The following RBFOX1 variants were observed in gnomAD, a reference collection of about 807,000 sequenced individuals.
RBFOX1 encodes RNA binding fox-1 homolog 1.
RBFOX1 carries 8 observed loss-of-function variants against 57.7 expected under a neutral mutation model. The observed-to-expected ratio is 0.14, with a 90% CI of 0.08 to 0.25. The LOEUF is 0.25. Ranked by LOEUF, RBFOX1 falls within the 10% of genes least tolerant of loss-of-function variation. The pLI is 1.00. For missense variants in RBFOX1, 611 were observed against 548.5 expected (o/e 1.11, Z -1.14); for synonymous variants, 326 against 222.4 (o/e 1.47, Z -4.15).
chr16:7,050,353 C>T (rs2049605672), intron 3 of RBFOX1, among the ~76,000 whole-genome samples: 2 of 149,348 alleles, frequency 1.3e-5, no homozygotes, highest in Admixed American at 6.8e-5. Flanking sequence ...GCAACCTCTG[C>T]CTCCCAGGTT....
chr16:6,016,160 A>G (rs1355084662), upstream of RBFOX1, among the ~76,000 whole-genome samples: 1 of 152,224 alleles, frequency 6.6e-6, no homozygotes, highest in African/African-American at 2.4e-5. Flanking sequence ...CTTTTAGTTT[A>G]ATAGAAGAGA....
chr16:7,028,425 TA>T (rs1214014061), intron 3 of RBFOX1, among the ~76,000 whole-genome samples: 4 of 151,792 alleles, frequency 2.6e-5, no homozygotes, highest in Non-Finnish European at 5.9e-5. Context: ...CTGTCTCTAC[TA>T]AAAATATAAA....
Position 7,221,825 on chromosome 16 carries a change from G to A in RBFOX1, c.27+169727G>A, listed in dbSNP as rs1345990759. On this transcript the variant is annotated intron_variant, in intron 4 of 15. Coordinates refer to ENST00000550418, the MANE Select transcript of RBFOX1 (RefSeq NM_018723.4). Reference sequence around the variant, plus strand: ...GAGATCTAAGAAAGCACATACAGAGGCCTGAAAAGTTGATTTCCCTCCTTG... The same window carrying A: ...GAGATCTAAGAAAGCACATACAGAGACCTGAAAAGTTGATTTCCCTCCTTG... 2.6e-5 allele frequency among the ~76,000 whole-genome samples: 4 copies of A among 152,146 alleles called. No homozygotes were observed. In the East Asian group the frequency reaches 7.7e-4, roughly 29 times the overall value.
At chr16:6,786,224 G>T (rs931635756) in intron 3 of RBFOX1, among the ~76,000 whole-genome samples, 3 of 152,150 alleles carry the variant, frequency 2.0e-5, no homozygotes, top group African/African-American at 7.2e-5. Flanking sequence ...GTCAGAAGAG[G>T]GTCAGAACTG....
At chr16:6,900,450 GT>G (rs2068180756) in intron 3 of RBFOX1, among the ~76,000 whole-genome samples, 1 of 152,138 alleles carries the variant, frequency 6.6e-6, no homozygotes, top group African/African-American at 2.4e-5. Flanking sequence ...ACTTAAAACT[GT>G]TTATTGATTT....
intron 4 of RBFOX1, among the ~76,000 whole-genome samples, chr16:7,429,933 G>A (rs1371713837): frequency 6.6e-6 from 1 of 152,072 alleles, no homozygotes; most frequent in Non-Finnish European, 1.5e-5. Context: ...TGCCTTTGTG[G>A]GACTTGTGAC....
chr16:5,867,278 A>G, intron 3 of RBFOX1: 1 of 1,174,688 alleles, frequency 8.5e-7, no homozygotes, highest in Non-Finnish European at 1.1e-6. Flanking sequence ...ATCAATACTA[A>G]TGTCTTTTTT....
chr16:5,295,193 A>T (rs547174451), intron 1 of RBFOX1, among the ~76,000 whole-genome samples: 30 of 152,158 alleles, frequency 2.0e-4, no homozygotes, highest in African/African-American at 6.7e-4. Flanking sequence ...AAGAGAACAA[A>T]CATCACAGCA....
chr16:5,973,378 A>G (rs1056504170), intron 4 of RBFOX1, among the ~76,000 whole-genome samples: 2 of 152,184 alleles, frequency 1.3e-5, no homozygotes, highest in African/African-American at 4.8e-5. Context: ...TTTTTCTGAC[A>G]TTGTTTCCTT....
rs530597395 is a variant in RBFOX1, at chr16:7,281,632, G to A, written c.27+229534G>A. On this transcript the variant is annotated intron_variant, in intron 4 of 15. Transcript: ENST00000550418. ...TACACAGCATGTTCTTTTCTTCATG[G>A]GGTTCTAGTCTAGATGAGAAGACAG... Among the ~76,000 whole-genome samples, 3 of 152,062 alleles carry A rather than the reference G, an allele frequency of 2.0e-5. 1 individual carries two copies. Among genetic ancestry groups the A allele is most frequent in the African/African-American group, 7.2e-5 (3 of 41,484 alleles).
At chr16:7,632,116 C>A (rs537990528) in intron 11 of RBFOX1, among the ~76,000 whole-genome samples, 87 of 152,262 alleles carry the variant, frequency 5.7e-4, no homozygotes, top group African/African-American at 2.0e-3. Context: ...CCCATCTTGG[C>A]CAGGCTGGTC....
chr16:5,694,596 C>T (rs1305015158), intron 3 of RBFOX1, among the ~76,000 whole-genome samples: 1 of 152,084 alleles, frequency 6.6e-6, no homozygotes, highest in Non-Finnish European at 1.5e-5. Flanking sequence ...CTAAGATCAC[C>T]ACTGTGCTAG....
intron 4 of RBFOX1, among the ~76,000 whole-genome samples, chr16:7,057,461 G>A (rs576951237): frequency 6.6e-6 from 1 of 152,224 alleles, no homozygotes; most frequent in South Asian, 2.1e-4. Context: ...CTACCTTTAT[G>A]CACACATCAC....
intron 2 of RBFOX1, among the ~76,000 whole-genome samples, chr16:6,572,428 C>G (rs575199283): frequency 6.6e-6 from 1 of 152,162 alleles, no homozygotes; most frequent in Admixed American, 6.5e-5. Flanking sequence ...AAAAGAATGT[C>G]TAACCTTTGT....
At chr16:6,456,284 G>A (rs1293904624) in intron 2 of RBFOX1, among the ~76,000 whole-genome samples, 1 of 152,122 alleles carries the variant, frequency 6.6e-6, no homozygotes, top group Non-Finnish European at 1.5e-5. Context: ...GTGTGTGCGT[G>A]TGTAAGAGTG....
At chr16:6,546,256 C>T (rs1479271804) in intron 2 of RBFOX1, among the ~76,000 whole-genome samples, 1 of 152,148 alleles carries the variant, frequency 6.6e-6, no homozygotes, top group Non-Finnish European at 1.5e-5. Flanking sequence ...GCACTCATAT[C>T]GCCTGTCAGA....
chr16:6,509,206 G>C (rs1028044130), intron 2 of RBFOX1, among the ~76,000 whole-genome samples: 2 of 152,106 alleles, frequency 1.3e-5, no homozygotes, highest in South Asian at 2.1e-4. Context: ...GGTATTTTTG[G>C]GGGGAGCTGG....
chr16:5,898,069 A>G (rs2058210779), intron 4 of RBFOX1, among the ~76,000 whole-genome samples: 1 of 152,176 alleles, frequency 6.6e-6, no homozygotes, highest in Admixed American at 6.5e-5. Flanking sequence ...GGCCTCAGGA[A>G]TCTTTCAATC....
chr16:7,183,239 G>GA (rs1394391473), intron 4 of RBFOX1, among the ~76,000 whole-genome samples: 4 of 152,130 alleles, frequency 2.6e-5, no homozygotes, highest in Admixed American at 2.6e-4. Context: ...GATTTGGGGA[G>GA]AAAAAGAAGC....
Sources: allele counts gnomAD v4.1 joint callset (sites outside exome capture counted in the v4.1 genomes callset), GRCh38; gene constraint gnomAD v4.1.1; transcripts MANE v1.5; gene names NCBI Gene and HGNC (gene_info 2026-07-23, HGNC 2026-07-21).